ESR1: variants seen among roughly 807,000 people sequenced by gnomAD.
The protein encoded by ESR1 is estrogen receptor 1, also known as estrogen receptor.
Under a neutral mutation model 52.7 loss-of-function variants are expected in ESR1, and 12 were observed. The ratio of observed to expected loss-of-function variants is 0.23; its 90% CI spans 0.15 to 0.37. The LOEUF is 0.37. ESR1 is among the 10% of genes least tolerant of loss of function. ESR1 has a pLI of 1.00. For synonymous variants in ESR1, 305 were observed against 316.8 expected, an observed-to-expected ratio of 0.96 and a Z score of 0.39; for missense variants, 584 against 779.7, an observed-to-expected ratio of 0.75 and a Z score of 2.99.
At chr6:151,700,077 GAAAAAA>G (rs71681730) in intron 1 of ESR1, among the ~76,000 whole-genome samples, 1 of 126,900 alleles carries the variant, frequency 7.9e-6, no homozygotes, top group Non-Finnish European at 1.7e-5. Flanking sequence ...GAGGACAAGT[GAAAAAA>G]AAAAAAAAGA....
chr6:151,965,788 C>A (rs2038202073), intron 4 of ESR1, among the ~76,000 whole-genome samples: 2 of 152,250 alleles, frequency 1.3e-5, no homozygotes, highest in South Asian at 4.1e-4. Flanking sequence ...TACCCATTCT[C>A]CCCTTTTTGG....
At chr6:152,029,315 A>G (rs536363475) in intron 5 of ESR1, among the ~76,000 whole-genome samples, 30 of 152,364 alleles carry the variant, frequency 2.0e-4, no homozygotes, top group African/African-American at 6.5e-4. Context: ...AATTGAGAAA[A>G]GAAGGCTTCA....
intron 2 of ESR1, among the ~76,000 whole-genome samples, chr6:151,718,249 C>T (rs1210690614): frequency 6.6e-6 from 1 of 152,154 alleles, no homozygotes; most frequent in East Asian, 1.9e-4. Flanking sequence ...AAGAAATTGT[C>T]TTGAGGAAGT....
chr6:151,771,070 C>T (rs1158157102), intron 2 of ESR1, among the ~76,000 whole-genome samples: 3 of 152,202 alleles, frequency 2.0e-5, no homozygotes, highest in Non-Finnish European at 4.4e-5. Flanking sequence ...TATTGTAAAT[C>T]ACTGGAAAAT....
At chr6:152,045,978 A>C (rs2046199945) in intron 5 of ESR1, among the ~76,000 whole-genome samples, 1 of 152,158 alleles carries the variant, frequency 6.6e-6, no homozygotes, top group South Asian at 2.1e-4. Flanking sequence ...TAGAACTGGA[A>C]TAACACCTGA....
intron 4 of ESR1, among the ~76,000 whole-genome samples, chr6:151,958,623 A>T (rs1009860985): frequency 1.3e-5 from 2 of 152,202 alleles, no homozygotes; most frequent in Non-Finnish European, 2.9e-5. Flanking sequence ...GACTGTTGAG[A>T]TTCTGTGCAC....
At chr6:151,829,926 G>A (rs1015340287) in intron 1 of ESR1, among the ~76,000 whole-genome samples, 1 of 152,160 alleles carries the variant, frequency 6.6e-6, no homozygotes, top group South Asian at 2.1e-4. Flanking sequence ...CACATTGACA[G>A]CAATGTGATC....
At chr6:152,113,422 T>C (rs895542963) in intron 6 of ESR1, among the ~76,000 whole-genome samples, 6 of 152,116 alleles carry the variant, frequency 3.9e-5, no homozygotes, top group African/African-American at 9.7e-5. Context: ...TGCACTCATC[T>C]GGGAGGGAGT....
At chr6:151,704,199 T>A (rs557398078) in intron 2 of ESR1, among the ~76,000 whole-genome samples, 173 of 152,332 alleles carry the variant, frequency 1.1e-3, no homozygotes, top group African/African-American at 4.1e-3. Flanking sequence ...ATATTTTTTT[T>A]AAGAAACAAC....
chr6:152,038,713 C>T (rs184292794), intron 5 of ESR1, among the ~76,000 whole-genome samples: 35 of 152,206 alleles, frequency 2.3e-4, no homozygotes, highest in Non-Finnish European at 2.1e-4. Context: ...CTCACTGCAA[C>T]CTCCGCCTCC....
chr6:151,689,549 T>A (rs761282115), upstream of ESR1, among the ~76,000 whole-genome samples: 4 of 152,260 alleles, frequency 2.6e-5, no homozygotes, highest in Non-Finnish European at 5.9e-5. Flanking sequence ...ACAGTTAAGA[T>A]CATTGATTTC....
At chr6:152,043,300 G>A (rs1444549164) in intron 5 of ESR1, among the ~76,000 whole-genome samples, 2 of 152,174 alleles carry the variant, frequency 1.3e-5, no homozygotes, top group Non-Finnish European at 1.5e-5. Context: ...ATTAAATGCA[G>A]AATTCCTGCT....
At chr6:151,786,562 T>A (rs1209310433) in intron 2 of ESR1, among the ~76,000 whole-genome samples, 1 of 152,166 alleles carries the variant, frequency 6.6e-6, no homozygotes, top group Non-Finnish European at 1.5e-5. Context: ...TATACACAAA[T>A]GTTGCTGAAG....
At chr6:152,124,115 G>C (rs2052470243) in intron 6 of ESR1, among the ~76,000 whole-genome samples, 1 of 152,196 alleles carries the variant, frequency 6.6e-6, no homozygotes, top group Admixed American at 6.5e-5. Flanking sequence ...CTTGAGGCCA[G>C]GAGTTCAAGC....
At chr6:151,700,815 T>A (rs1164175200) in intron 1 of ESR1, among the ~76,000 whole-genome samples, 1 of 152,064 alleles carries the variant, frequency 6.6e-6, no homozygotes, top group Non-Finnish European at 1.5e-5. Context: ...TCCCCCACTC[T>A]ATCATGTCTT....
intron 4 of ESR1, among the ~76,000 whole-genome samples, chr6:151,954,660 C>T (rs2036703761): frequency 6.6e-6 from 1 of 152,102 alleles, no homozygotes; most frequent in Admixed American, 6.5e-5. Flanking sequence ...TTGCTTATGG[C>T]ATTTGAAATG....
intron 1 of ESR1, among the ~76,000 whole-genome samples, chr6:151,700,823 C>T (rs1779722258): frequency 6.6e-6 from 1 of 151,994 alleles, no homozygotes; most frequent in South Asian, 2.1e-4. Flanking sequence ...TCTATCATGT[C>T]TTGCACATTT....
chr6:151,996,405 T>C (rs1170626861), intron 4 of ESR1, among the ~76,000 whole-genome samples: 2 of 152,090 alleles, frequency 1.3e-5, no homozygotes, highest in African/African-American at 4.8e-5. Flanking sequence ...CCATGATCCT[T>C]CTTCTGCCTG....
chr6:151,893,343 C>T (rs1159530460), intron 3 of ESR1, among the ~76,000 whole-genome samples: 1 of 151,952 alleles, frequency 6.6e-6, no homozygotes, highest in Non-Finnish European at 1.5e-5. Context: ...AGCTAGACTC[C>T]ATCTCAAAAA....
Sources: allele counts gnomAD v4.1 joint callset (sites outside exome capture counted in the v4.1 genomes callset), GRCh38; gene constraint gnomAD v4.1.1; transcripts MANE v1.5; gene names NCBI Gene and HGNC (gene_info 2026-07-23, HGNC 2026-07-21).